OSBPL3: variants seen among roughly 807,000 people sequenced by gnomAD.
OSBPL3 encodes the protein oxysterol binding protein like 3.
In OSBPL3, 65 loss-of-function variants were observed where a neutral mutation model predicts 120.1. That is an observed-to-expected ratio of 0.54 (90% CI 0.44 to 0.67). The LOEUF is 0.67. OSBPL3 is among the 30% of genes least tolerant of loss of function. The pLI, the probability that OSBPL3 is intolerant of heterozygous loss-of-function variation, is 0.00. For synonymous variants in OSBPL3, 416 were observed against 402.6 expected, an observed-to-expected ratio of 1.03 and a Z score of -0.40; for missense variants, 1,004 against 1,082.1, an observed-to-expected ratio of 0.93 and a Z score of 1.01.
chr7:24,842,736 C>T (rs948635543), intron 12 of OSBPL3, among the ~76,000 whole-genome samples: 5 of 152,298 alleles, frequency 3.3e-5, no homozygotes, highest in African/African-American at 7.2e-5. Context: ...TCCTCTTATT[C>T]GCTACCACTG....
At position 24,879,850 on chromosome 7, in the gene OSBPL3, A is replaced by G. The variant is rs1803400313; in HGVS notation, c.97-7781T>C. On this transcript the variant is annotated intron_variant, in intron 2 of 22. Transcript: ENST00000313367. The surrounding 1 kb of genome is among the most constrained non-coding windows in gnomAD (Gnocchi z 5.6). Reference sequence around the variant, plus strand: ...GATCACTCACTCAGCATTTATGGCTACAATTACTTTGGCATGTTTTTAGGC... The same window carrying G: ...GATCACTCACTCAGCATTTATGGCTGCAATTACTTTGGCATGTTTTTAGGC... Among the ~76,000 whole-genome samples the G allele has an allele frequency of 2.0e-5, 3 of 152,234 alleles. No individual in the cohort carries two copies. The highest frequency in any genetic ancestry group is 4.4e-5 in the Non-Finnish European group (3 of 68,038).
rs944425943 is a variant in OSBPL3, at chr7:24,917,401, C to T, written c.-149-24780G>A. The stretch of plus-strand genomic sequence containing the variant: ...TTGTAACATATATATATATTTGTAA[C>T]ATATATATATATATATATATATATA... On this transcript the variant is annotated intron_variant, in intron 1 of 22. Transcript: ENST00000313367. Among the ~76,000 whole-genome samples, 929 of 99,862 alleles carry T rather than the reference C, an allele frequency of 9.3e-3. 23 individuals carry two copies. The highest frequency in any genetic ancestry group is 0.034 in the Admixed American group (318 of 9,342). The allele number at this position is 99,862 out of a possible 152,430, so 65.5% of individuals were successfully genotyped here.
chr7:24,946,597 T>C lies in OSBPL3; in HGVS notation c.-150+33289A>G, dbSNP rs1813756981. On this transcript the variant is annotated intron_variant, in intron 1 of 22. Coordinates refer to ENST00000313367, the MANE Select transcript of OSBPL3 (RefSeq NM_015550.4). The surrounding 1 kb of genome is among the most constrained non-coding windows in gnomAD (Gnocchi z 4.3). ...TTTTGTTGAATACGCTAAGCTTAAC[T>C]GAATTATTAGCCTAACAAGAGGGTT... is the stretch of plus-strand genomic sequence containing the variant. 6.6e-6 allele frequency among the ~76,000 whole-genome samples: 1 copy of C among 152,214 alleles called. No individual in the cohort carries two copies. The highest frequency in any genetic ancestry group is 1.5e-5 in the Non-Finnish European group (1 of 68,022).
At chr7:24,901,178 T>G (rs753837375) in intron 1 of OSBPL3, among the ~76,000 whole-genome samples, 2 of 151,804 alleles carry the variant, frequency 1.3e-5, no homozygotes, top group African/African-American at 2.4e-5. Flanking sequence ...AATACAAACA[T>G]TAGCCGGGCA....
rs147207521 is a variant in OSBPL3 at position 24,848,609 on chromosome 7, T to C, written c.1266+460A>G. 3.8e-3 allele frequency among the ~76,000 whole-genome samples: 583 copies of C among 152,208 alleles called. 4 individuals are homozygous for C. The highest frequency in any genetic ancestry group is 0.013 in the African/African-American group (522 of 41,522). On this transcript the variant is annotated intron_variant, in intron 12 of 22. Transcript: ENST00000313367. ...TTTTCCCTCAGAGTGTACAGCCGCA[T>C]TCTATAAAAGAAAAAGAAAATCACA...
chr7:24,941,518 T>C (rs922741801), intron 1 of OSBPL3, among the ~76,000 whole-genome samples: 4 of 152,174 alleles, frequency 2.6e-5, no homozygotes, highest in Non-Finnish European at 4.4e-5. Context: ...AGTTGCCAAA[T>C]GAATCCTCCT....
At chr7:24,981,235 G>T (rs1818310315), upstream of OSBPL3, among the ~76,000 whole-genome samples, 1 of 152,204 alleles carries the variant, frequency 6.6e-6, no homozygotes, top group Non-Finnish European at 1.5e-5. This position sits in a 1 kb window ranked among gnomAD's most constrained non-coding sequence, Gnocchi z 7.3. Flanking sequence ...GGTTTAGCGC[G>T]TGATGGGGCG....
In OSBPL3 at chr7:24,803,986, T is replaced by G. The variant is rs931447982; in HGVS notation, c.2567+329A>C. Among the ~76,000 whole-genome samples, 1 of 152,274 alleles carries G rather than the reference T, an allele frequency of 6.6e-6. No individual in the cohort carries two copies. ...GGGTGACCAACCTTAGCTGTGGATT[T>G]AATAAGCTGGCCTGGTGCTGGGACC... On this transcript the variant is annotated intron_variant, in intron 22 of 22. Coordinates refer to ENST00000313367, the MANE Select transcript of OSBPL3 (RefSeq NM_015550.4). This position sits in a 1 kb window ranked among gnomAD's most constrained non-coding sequence, Gnocchi z 4.2.
chr7:24,950,494 G>A (rs561621404), intron 1 of OSBPL3, among the ~76,000 whole-genome samples: 3 of 151,958 alleles, frequency 2.0e-5, no homozygotes, highest in Non-Finnish European at 2.9e-5. Flanking sequence ...AGGCCGAGGC[G>A]GGCGGATCAC....
Position 24,842,401 on chromosome 7 carries a change from C to T in OSBPL3, c.1279G>A (p.Asp427Asn). The T allele has an allele frequency of 1.3e-6, 2 of 1,598,676 alleles. No homozygotes were observed. Among genetic ancestry groups the T allele is most frequent in the Non-Finnish European group, 1.7e-6 (2 of 1,175,874 alleles). ...TGATGAACTAGAGCTCGGTTTTCAT[C>T]TCTGGAGTTTTCCTATTTGAAGAAC... The part of the protein sequence containing the change: ...GDNLAEENSR[D>N]ENRALVHQLS... Residue 427 changes from aspartate to asparagine, a missense_variant, in exon 13 of 23, where the codon GAT becomes AAT. By Grantham distance (23) the Asp-to-Asn change is conservative (BLOSUM62 1). Around this residue, in one of 4 missense-constraint regions of OSBPL3, gnomAD observed 272 missense variants for 248.8 expected, o/e 1.09. Coordinates refer to ENST00000313367, the MANE Select transcript of OSBPL3 (RefSeq NM_015550.4).
rs985865876 is a variant in OSBPL3 at position 24,804,992 on chromosome 7, T to C, written c.2445-555A>G. Among the ~76,000 whole-genome samples, 2 of 152,240 alleles carry C rather than the reference T, an allele frequency of 1.3e-5. No homozygotes were observed. Among genetic ancestry groups the C allele is most frequent in the South Asian group, 4.1e-4 (2 of 4,830 alleles). On this transcript the variant is annotated intron_variant, in intron 21 of 22. Coordinates refer to ENST00000313367, the MANE Select transcript of OSBPL3 (RefSeq NM_015550.4). The surrounding 1 kb of genome is among the most constrained non-coding windows in gnomAD (Gnocchi z 5.4). ...GTATATGAATTTAGACAATTTCCTA[T>C]GGATAGACATTTGAATCATTTGAAT... is the stretch of plus-strand genomic sequence containing the variant.
intron 1 of OSBPL3, among the ~76,000 whole-genome samples, chr7:24,950,118 A>AT: frequency 6.6e-6 from 1 of 152,264 alleles, no homozygotes; most frequent in East Asian, 1.9e-4. Flanking sequence ...ATGGAGTGCC[A>AT]GCACAAAAGC....
At position 24,804,176 on chromosome 7, in the gene OSBPL3, GC is replaced by G; in HGVS notation, c.2567+138del. On this transcript the variant is annotated intron_variant, in intron 22 of 22. Coordinates refer to ENST00000313367, the MANE Select transcript of OSBPL3 (RefSeq NM_015550.4). The surrounding 1 kb of genome is among the most constrained non-coding windows in gnomAD (Gnocchi z 5.4). ...GGGGGACAGGGCCTGGCACAGAGGA[GC>G]AGTACCCCCACGTGGAAGCAGGAAA... 1.0e-6 allele frequency: 1 copy of G among 965,744 alleles called. No individual in the cohort carries two copies. Among genetic ancestry groups the G allele is most frequent in the Non-Finnish European group, 1.6e-6 (1 of 629,726 alleles). The allele number at this position is 965,744 out of a possible 1,614,324, so 59.8% of individuals were successfully genotyped here. A position where few individuals can be genotyped will look rare whatever the true frequency, so the allele number is the denominator to read the frequency against.
chr7:24,872,030 T>A lies in OSBPL3; in HGVS notation c.136A>T (p.Asn46Tyr), dbSNP rs1802192711. 6.8e-6 allele frequency: 11 copies of A among 1,613,934 alleles called. No homozygotes were observed. The highest frequency in any genetic ancestry group is 8.5e-6 in the Non-Finnish European group (10 of 1,179,810). ...TGAACTGGTGGCTCCTGGGTGTAAT[T>A]CATCTCCCCCCTCAGTCCTTCCACC... ...EVVEGLRGEM[N>Y]YTQEPPVQKG... The change falls in exon 3 of 23, where the codon AAT becomes TAT. Residue 46 changes from asparagine to tyrosine, a missense_variant. Physicochemically the swap from Asn to Tyr is moderately radical, Grantham distance 143. Around this residue, in one of 4 missense-constraint regions of OSBPL3, gnomAD observed 255 missense variants for 248.7 expected, o/e 1.03. Transcript: ENST00000313367. The surrounding 1 kb of genome is among the most constrained non-coding windows in gnomAD (Gnocchi z 4.1).
Position 24,891,220 on chromosome 7 carries a change from T to C in OSBPL3, c.96+1157A>G, listed in dbSNP as rs1805302604. ...AATTTTAGTCTTTTCTTATTTTTTT[T>C]TTTTTTAATTCCAGAAGGAACCGAT... On this transcript the variant is annotated intron_variant, in intron 2 of 22. Coordinates refer to ENST00000313367, the MANE Select transcript of OSBPL3 (RefSeq NM_015550.4). The surrounding 1 kb of genome is among the most constrained non-coding windows in gnomAD (Gnocchi z 4.1). 6.6e-6 allele frequency among the ~76,000 whole-genome samples: 1 copy of C among 152,112 alleles called. No homozygotes were observed. The highest frequency in any genetic ancestry group is 1.5e-5 in the Non-Finnish European group (1 of 68,014).
chr7:24,840,090 T>G (rs1797542704), intron 14 of OSBPL3, among the ~76,000 whole-genome samples: 1 of 150,430 alleles, frequency 6.6e-6, no homozygotes, highest in African/African-American at 2.4e-5. Context: ...AAAATTTGCA[T>G]AAGCAGACAA....
chr7:24,845,381 AAGT>A (rs1254891861), intron 12 of OSBPL3, among the ~76,000 whole-genome samples: 1 of 132,182 alleles, frequency 7.6e-6, no homozygotes, highest in South Asian at 2.6e-4. Context: ...ATTGCAAAAT[AAGT>A]AAAAAAAAAA....
chr7:24,847,271 T>G (rs761207133), intron 12 of OSBPL3, among the ~76,000 whole-genome samples: 1 of 152,168 alleles, frequency 6.6e-6, no homozygotes, highest in Non-Finnish European at 1.5e-5. Context: ...TTCCTACTTA[T>G]GTCCTGAAGG....
chr7:24,903,284 C>G (rs1244195531), intron 1 of OSBPL3, among the ~76,000 whole-genome samples: 1 of 152,172 alleles, frequency 6.6e-6, no homozygotes, highest in Non-Finnish European at 1.5e-5. Context: ...GACTCACACT[C>G]ACAAATAATA....
Sources: gnomAD v4.1 joint callset for allele counts (sites outside exome capture counted in the v4.1 genomes callset) on GRCh38, gnomAD v4.1.1 for gene constraint, gnomAD v4.1.1 regional missense constraint, Gnocchi (gnomAD v3.1) non-coding constraint, MANE v1.5 for transcripts, NCBI Gene and HGNC (gene_info 2026-07-23, HGNC 2026-07-21) for gene names.